Variants in COL6A1 observed in about 807,000 individuals in gnomAD.
The protein encoded by COL6A1 is collagen alpha-1(VI) chain.
In COL6A1, 80 loss-of-function variants were observed where a neutral mutation model predicts 145.6. The observed-to-expected ratio is 0.55, with a 90% CI of 0.46 to 0.66. The LOEUF (loss-of-function observed/expected upper bound fraction) is 0.66. COL6A1 is among the 30% of genes least tolerant of loss of function. The probability of loss-of-function intolerance (pLI) is 0.00; values close to 1 mark genes in which losing one functional copy is unlikely to be tolerated. For synonymous variants in COL6A1, 638 were observed against 622.8 expected (o/e 1.02, Z -0.36); for missense variants, 1,364 against 1,473.8 (o/e 0.93, Z 1.22).
chr21:46,000,041 TGGG>T (rs1466813683), intron 27 of COL6A1, among the ~76,000 whole-genome samples: 8 of 11,658 alleles, frequency 6.9e-4, no homozygotes, highest in South Asian at 2.1e-3. Flanking sequence ...GTGAGGATCA[TGGG>T]GGGGGACGTG....
At chr21:46,003,059 C>T (rs754529621) in intron 33 of COL6A1, 61 bp from the exon 34 acceptor site, 5 of 1,612,682 alleles carry the variant, frequency 3.1e-6, no homozygotes, top group Non-Finnish European at 4.2e-6. Flanking sequence ...CCTGTGACAT[C>T]TCCTTGCGGG....
rs545323453 is a variant in COL6A1, at chr21:46,004,953, C to A, written c.*940C>A. The A allele has an allele frequency of 1.3e-5, 2 of 153,894 alleles. No homozygotes were observed. The highest frequency in any genetic ancestry group is 2.9e-5 in the Non-Finnish European group (2 of 68,908). 9.5% of individuals were successfully genotyped at this position (153,894 alleles called of 1,614,324 possible). ...ATGTGTTCGACGTTTTATCAAAGGC[C>A]CCCTTTCTATGTTCATGTTAGTTTT... On this transcript the variant is annotated 3_prime_UTR_variant, in exon 35 of 35. Transcript: ENST00000361866.
intron 27 of COL6A1, 103 bp downstream of exon 27, chr21:45,999,795 G>T (rs563853179): frequency 9.3e-6 from 9 of 962,956 alleles, no homozygotes; most frequent in East Asian, 3.2e-5. Context: ...CTGCTCACGG[G>T]GGGGTGGGTT....
chr21:45,981,879 TGCTGCTGCAGGCCTG>T lies in COL6A1; in HGVS notation c.30_44del (p.Leu11_Cys15del). On this transcript the variant is annotated inframe_deletion, in exon 1 of 35. Coordinates refer to ENST00000361866, the MANE Select transcript of COL6A1 (RefSeq NM_001848.3). ...AGGGCGGCCCGTGCTCTGCTGCCCC[TGCTGCTGCAGGCCTG>T]CTGGACAGCCGCGCAGGATGAGCCG... 1 of 1,599,572 alleles carries T rather than the reference TGCTGCTGCAGGCCTG, an allele frequency of 6.3e-7. No homozygotes were observed. The highest frequency in any genetic ancestry group is 8.5e-7 in the Non-Finnish European group (1 of 1,175,044).
Position 46,003,894 on chromosome 21 carries a change from A to C in COL6A1, c.2968A>C (p.Lys990Gln), listed in dbSNP as rs141663473. ...EPHIRVLVTG[K>Q]TAEYDVAYGE... ...CCACATCCGCGTCCTGGTCACCGGC[A>C]AGACGGCCGAGTACGACGTGGCCTA... is the stretch of plus-strand genomic sequence containing the variant. The change falls in exon 35 of 35, where the codon AAG becomes CAG. Residue 990 changes from lysine to glutamine, a missense_variant. Transcript: ENST00000361866. The C allele has an allele frequency of 1.3e-4, 211 of 1,602,100 alleles. 1 individual carries two copies. The African/African-American group carries it at 2.5e-3, about 19-fold the overall frequency.
intron 24 of COL6A1, 121 bp from the exon 25 acceptor site, chr21:45,998,776 T>G: frequency 8.2e-7 from 1 of 1,221,622 alleles, no homozygotes; most frequent in Non-Finnish European, 1.2e-6. Flanking sequence ...AGGAAATGTG[T>G]GTGGTGGGGG....
chr21:45,990,933 C>A, intron 14 of COL6A1, 46 bp from the exon 15 acceptor site: 2 of 1,611,656 alleles, frequency 1.2e-6, no homozygotes, highest in South Asian at 1.1e-5. Context: ...TGCCAGAGGC[C>A]GCGGTGGCCT....
chr21:46,004,648 G>A lies in COL6A1; in HGVS notation c.*635G>A, dbSNP rs886057162. 1.4e-5 allele frequency: 6 copies of A among 435,834 alleles called. No individual in the cohort carries two copies. The highest frequency in any genetic ancestry group is 3.2e-5 in the South Asian group (2 of 61,790). The allele number at this position is 435,834 out of a possible 1,614,324, so 27.0% of individuals were successfully genotyped here. A position where few individuals can be genotyped will look rare whatever the true frequency, so the allele number is the denominator to read the frequency against. On this transcript the variant is annotated 3_prime_UTR_variant, in exon 35 of 35. Coordinates refer to ENST00000361866, the MANE Select transcript of COL6A1 (RefSeq NM_001848.3). ...GGAGGCCGTTGCAGACATAAATCTC[G>A]GCGACTCGGCCCCGTCTCCTGAGGG...
At position 46,001,239 on chromosome 21, in the gene COL6A1, G is replaced by A. The variant is rs979412120; in HGVS notation, c.1823-14G>A. ...GGGAGGGGCGTGCTCTGCTGACACC[G>A]CCCCCGCCTGCAGAATGCAAGTGCG... On this transcript the variant is annotated splice_polypyrimidine_tract_variant and intron_variant, in intron 29 of 34. Coordinates refer to ENST00000361866, the MANE Select transcript of COL6A1 (RefSeq NM_001848.3). 10 of 1,600,558 alleles carry A rather than the reference G, an allele frequency of 6.2e-6. No individual in the cohort carries two copies. Among genetic ancestry groups the A allele is most frequent in the Non-Finnish European group, 6.8e-6 (8 of 1,178,052 alleles).
chr21:45,992,802 G>A lies in COL6A1; in HGVS notation c.1327G>A (p.Gly443Arg), dbSNP rs1389653704. The A allele has an allele frequency of 6.3e-7, 1 of 1,598,782 alleles. No homozygotes were observed. Among genetic ancestry groups the A allele is most frequent in the Non-Finnish European group, 8.5e-7 (1 of 1,173,216 alleles). Residue 443 changes from glycine to arginine, a missense_variant, in exon 19 of 35, where the codon GGA (glycine) becomes AGA (arginine). Gly to Arg is a moderately radical substitution (Grantham distance 125, BLOSUM62 -2). Around this residue, in one of 3 missense-constraint regions of COL6A1, gnomAD observed 938 missense variants for 1,003.8 expected, o/e 0.93. Coordinates refer to ENST00000361866, the MANE Select transcript of COL6A1 (RefSeq NM_001848.3). ...RGTPGTRGPR[G>R]DPGEAGPQGD... ...GACCCCAGGCACGCGGGGACCAAGA[G>A]GAGACCCTGTGAGTCACAGTTCCTG...
Position 45,987,639 on chromosome 21 carries a change from C to A in COL6A1, c.789C>A (p.Gly263=). ...QPARGPPGLR[G]DPGFEGERGK... is the part of the protein sequence containing the mutation. The stretch of plus-strand genomic sequence containing the variant: ...CAAGAGGACCTCCGGGGCTCCGGGG[C>A]GACCCCGGCTTTGAGGTGAGTGGTG... The change falls in exon 8 of 35, where the codon GGC becomes GGA. Residue 263 remains glycine, a synonymous_variant. Transcript: ENST00000361866. The A allele has an allele frequency of 1.2e-6, 2 of 1,610,210 alleles. No individual in the cohort carries two copies. Among genetic ancestry groups the A allele is most frequent in the Non-Finnish European group, 1.7e-6 (2 of 1,179,008 alleles).
rs575455496 is a variant in COL6A1 at position 45,991,956 on chromosome 21, G to A, written c.1120-54G>A. 4.4e-4 allele frequency: 677 copies of A among 1,532,666 alleles called. 5 individuals are homozygous for A. The African/African-American group carries it at 8.6e-3, about 19-fold the overall frequency. 94.9% of individuals were successfully genotyped at this position (1,532,666 alleles called of 1,614,324 possible). A position where few individuals can be genotyped will look rare whatever the true frequency, so the allele number is the denominator to read the frequency against. On this transcript the variant is annotated intron_variant, in intron 15 of 34. Transcript: ENST00000361866. ...GCCCTGGATGTGGCCTCTGATGGCT[G>A]CACCCCTGGTGCACACCCCTGCCAG...
chr21:45,989,421 A>G (rs1231536806), intron 9 of COL6A1, among the ~76,000 whole-genome samples, 187 bp from the exon 10 acceptor site: 1 of 152,058 alleles, frequency 6.6e-6, no homozygotes, highest in Non-Finnish European at 1.5e-5. Context: ...CTTGGCCCAA[A>G]TCCTATCCAT....
chr21:46,001,085 C>T, intron 29 of COL6A1, 168 bp from the exon 30 acceptor site: 1 of 974,136 alleles, frequency 1.0e-6, no homozygotes, highest in Non-Finnish European at 1.5e-6. Flanking sequence ...GACAGAGCAG[C>T]CTTTACGGGG....
chr21:45,993,584 A>G (rs1291105551), intron 19 of COL6A1, among the ~76,000 whole-genome samples: 20 of 152,216 alleles, frequency 1.3e-4, no homozygotes, highest in Non-Finnish European at 1.5e-5. Flanking sequence ...CAGCAGGGCC[A>G]GAGAGCTGAG....
chr21:45,991,991 C>T lies in COL6A1; in HGVS notation c.1120-19C>T, dbSNP rs769571675. On this transcript the variant is annotated intron_variant, in intron 15 of 34. Coordinates refer to ENST00000361866, the MANE Select transcript of COL6A1 (RefSeq NM_001848.3). ...TGCACACCCCTGCCAGCGTGTGTGA[C>T]TCCCCCGGTCTTCCCCAGGGCGAGC... The T allele has an allele frequency of 3.2e-5, 50 of 1,565,928 alleles. No homozygotes were observed. The highest frequency in any genetic ancestry group is 4.3e-5 in the Non-Finnish European group (50 of 1,155,992).
At chr21:45,988,900 T>G (rs991166942) in intron 8 of COL6A1, among the ~76,000 whole-genome samples, 184 bp from the exon 9 acceptor site, 3 of 151,628 alleles carry the variant, frequency 2.0e-5, no homozygotes, top group Non-Finnish European at 4.4e-5. Context: ...AGGCAGGGAG[T>G]GGGGGGAGCT....
At position 45,998,130 on chromosome 21, in the gene COL6A1, G is replaced by A. The variant is rs201153092; in HGVS notation, c.1534G>A (p.Gly512Ser). 3.8e-5 allele frequency: 62 copies of A among 1,612,224 alleles called. No individual in the cohort carries two copies. Among genetic ancestry groups the A allele is most frequent in the East Asian group, 1.1e-4 (5 of 44,842 alleles). Residue 512 changes from glycine to serine, a missense_variant, in exon 23 of 35, where the codon GGC (glycine) becomes AGC (serine). Physicochemically the swap from Gly to Ser is moderately conservative, Grantham distance 56. Around this residue, in one of 3 missense-constraint regions of COL6A1, gnomAD observed 938 missense variants for 1,003.8 expected, o/e 0.93. Transcript: ENST00000361866. ...PGLMGERGEDGPAGNGTEGFP... is the reference protein window; with the variant it reads ...PGLMGERGEDSPAGNGTEGFP... ...TACTCTGCTCCCCCAGGGAGAAGAC[G>A]GCCCCGCTGGAAATGGCACCGAGGG...
chr21:46,002,827 G>T (rs148827769), intron 33 of COL6A1, 117 bp downstream of exon 33: 12 of 1,276,002 alleles, frequency 9.4e-6, no homozygotes, highest in East Asian at 5.0e-5. Context: ...CCAGATCTGC[G>T]TAGGTGCACG....
Sources: allele counts gnomAD v4.1 joint callset (sites outside exome capture counted in the v4.1 genomes callset), GRCh38; gene constraint gnomAD v4.1.1; regional missense constraint gnomAD v4.1.1; transcripts MANE v1.5; gene names NCBI Gene and HGNC (gene_info 2026-07-23, HGNC 2026-07-21).